Variants in PPHLN1 observed in about 807,000 individuals in gnomAD.
PPHLN1 encodes periphilin-1.
Under a neutral mutation model 51.3 loss-of-function variants are expected in PPHLN1, and 29 were observed. That is an observed-to-expected ratio of 0.57 (90% CI 0.42 to 0.77). The LOEUF is 0.77. Ranked by LOEUF, PPHLN1 falls within the 30% of genes least tolerant of loss-of-function variation. The pLI, the probability that PPHLN1 is intolerant of heterozygous loss-of-function variation, is 0.00. For synonymous variants in PPHLN1, 147 were observed against 147.8 expected, an observed-to-expected ratio of 0.99 and a Z score of 0.04; for missense variants, 436 against 438.4, an observed-to-expected ratio of 0.99 and a Z score of 0.05.
At chr12:42,364,466 CA>C (rs879808444) in intron 4 of PPHLN1, among the ~76,000 whole-genome samples, 9 of 151,602 alleles carry the variant, frequency 5.9e-5, no homozygotes, top group African/African-American at 9.7e-5. Flanking sequence ...CCCATTTCTA[CA>C]AAAAAAATTA....
Position 42,384,945 on chromosome 12 carries a change from G to A in PPHLN1, c.517G>A (p.Val173Met), listed in dbSNP as rs140585847. ...CCCTGCCCACCTTTCCATAGAGTCC[G>A]TGCGTCCTGGTGCCTCCTACAAACG... is the stretch of plus-strand genomic sequence containing the variant. ...SFHQSQHRKSVRPGASYKRQN... is the reference protein window; with the variant it reads ...SFHQSQHRKSMRPGASYKRQN... The change falls in exon 6 of 10, where the codon GTG becomes ATG. Residue 173 changes from valine to methionine, a missense_variant. Val to Met is a conservative substitution (Grantham distance 21). Transcript: ENST00000358314. The A allele has an allele frequency of 4.9e-4, 782 of 1,609,692 alleles. 2 individuals are homozygous for A. The highest frequency in any genetic ancestry group is 9.9e-4 in the Middle Eastern group (6 of 6,062).
At chr12:42,415,232 C>T (rs985332277) in intron 9 of PPHLN1, among the ~76,000 whole-genome samples, 1 of 152,140 alleles carries the variant, frequency 6.6e-6, no homozygotes, top group Non-Finnish European at 1.5e-5. Context: ...AGTGCAGTGG[C>T]GTAATCTCAG....
intron 4 of PPHLN1, among the ~76,000 whole-genome samples, chr12:42,365,065 T>C (rs570256125): frequency 1.3e-5 from 2 of 152,330 alleles, no homozygotes; most frequent in East Asian, 3.9e-4. Context: ...ACCAAACTTC[T>C]AATCTGAACT....
chr12:42,390,504 A>G (rs2077592373), intron 7 of PPHLN1, among the ~76,000 whole-genome samples: 2 of 146,944 alleles, frequency 1.4e-5, no homozygotes, highest in East Asian at 2.0e-4. Context: ...TTTGTGCTAC[A>G]TGTTAAAAGT....
intron 9 of PPHLN1, among the ~76,000 whole-genome samples, chr12:42,417,719 AAAT>A: frequency 6.6e-6 from 1 of 152,088 alleles, no homozygotes; most frequent in African/African-American, 2.4e-5. Flanking sequence ...TAGAAAAAAA[AAAT>A]GACGCAAACT....
At position 42,384,974 on chromosome 12, in the gene PPHLN1, G is replaced by A; in HGVS notation, c.546G>A (p.Gln182=). ...GTCCTGGTGCCTCCTACAAACGGCA[G>A]AATGAAGGAAATCCTGAAAGAGGTG... The part of the protein sequence containing the change: ...SVRPGASYKR[Q]NEGNPERDKE... The change falls in exon 6 of 10, where the codon CAG becomes CAA. Residue 182 remains glutamine, a synonymous_variant. Coordinates refer to ENST00000358314, the MANE Select transcript of PPHLN1 (RefSeq NM_201439.2). The A allele has an allele frequency of 6.2e-7, 1 of 1,612,088 alleles. No homozygotes were observed. The highest frequency in any genetic ancestry group is 2.2e-5 in the East Asian group (1 of 44,870).
At chr12:42,357,734 T>G (rs1293170508) in intron 4 of PPHLN1, among the ~76,000 whole-genome samples, 1 of 152,224 alleles carries the variant, frequency 6.6e-6, no homozygotes, top group African/African-American at 2.4e-5. Context: ...TTATTTATAT[T>G]ATTTTTTATT....
chr12:42,336,938 C>T (rs1846243679), intron 2 of PPHLN1, among the ~76,000 whole-genome samples: 1 of 152,096 alleles, frequency 6.6e-6, no homozygotes, highest in Admixed American at 6.6e-5. Flanking sequence ...GTGGTATCGT[C>T]TTTAGGTTTG....
chr12:42,435,529 A>T (rs151111088), intron 9 of PPHLN1, among the ~76,000 whole-genome samples: 71 of 152,310 alleles, frequency 4.7e-4, no homozygotes, highest in African/African-American at 1.7e-3. Flanking sequence ...ATTACTATAG[A>T]CCAAAATTAA....
At chr12:42,345,370 T>A (rs981698047) in intron 2 of PPHLN1, among the ~76,000 whole-genome samples, 3 of 148,612 alleles carry the variant, frequency 2.0e-5, no homozygotes, top group South Asian at 2.1e-4. Flanking sequence ...TATGTGCAAG[T>A]TTTTTTTTTA....
At chr12:42,427,745 A>G (rs2139800453) in intron 9 of PPHLN1, among the ~76,000 whole-genome samples, 1 of 152,356 alleles carries the variant, frequency 6.6e-6, no homozygotes, top group East Asian at 1.9e-4. Context: ...CAATAAAGAC[A>G]AAGATAAATA....
intron 1 of PPHLN1, among the ~76,000 whole-genome samples, chr12:42,328,672 T>A: frequency 6.6e-6 from 1 of 152,218 alleles, no homozygotes; most frequent in East Asian, 1.9e-4. Flanking sequence ...CGTTGGAAAG[T>A]CAAGTGACTT....
rs541681882 is a variant in PPHLN1, at chr12:42,339,209, T to C, written c.72+3235T>C. 1.4e-4 allele frequency among the ~76,000 whole-genome samples: 22 copies of C among 152,368 alleles called. No homozygotes were observed. In the East Asian group the frequency reaches 4.1e-3, roughly 28 times the overall value. ...AGGAGCCTAGATTGTTTTTCTCTTT[T>C]TGAGAGCACAGGACCTGACCAGACC... On this transcript the variant is annotated intron_variant, in intron 2 of 9. Transcript: ENST00000358314.
At chr12:42,412,449 G>A (rs2079959185) in intron 9 of PPHLN1, among the ~76,000 whole-genome samples, 1 of 151,564 alleles carries the variant, frequency 6.6e-6, no homozygotes, top group Admixed American at 6.6e-5. Context: ...CAGCTGAATA[G>A]TATTCCGTGG....
chr12:42,438,212 G>A (rs1394014992), intron 9 of PPHLN1, among the ~76,000 whole-genome samples: 2 of 152,268 alleles, frequency 1.3e-5, no homozygotes, highest in Middle Eastern at 3.4e-3. Flanking sequence ...GGATTGTATG[G>A]TAAGACTGGG....
At chr12:42,439,765 T>C (rs1199968980) in intron 9 of PPHLN1, among the ~76,000 whole-genome samples, 1 of 152,240 alleles carries the variant, frequency 6.6e-6, no homozygotes, top group Non-Finnish European at 1.5e-5. Flanking sequence ...CCTAAGGTGA[T>C]CTGCCTGCCT....
At chr12:42,355,123 A>G (rs2073882183) in intron 3 of PPHLN1, 38 bp from the exon 4 acceptor site, 4 of 1,593,406 alleles carry the variant, frequency 2.5e-6, no homozygotes, top group South Asian at 2.2e-5. Context: ...GTCCAAAATA[A>G]TGTAAACAAA....
In PPHLN1 at chr12:42,337,551, C is replaced by T. The variant is rs564476920; in HGVS notation, c.72+1577C>T. ...CCTCAGGTGGCCTGCCCACCTTGGT[C>T]TCCCAAAGTTCTGGGATTACAGGCA... On this transcript the variant is annotated intron_variant, in intron 2 of 9. Coordinates refer to ENST00000358314, the MANE Select transcript of PPHLN1 (RefSeq NM_201439.2). Among the ~76,000 whole-genome samples the T allele has an allele frequency of 1.0e-3, 159 of 151,748 alleles. 1 individual carries two copies. Among genetic ancestry groups the T allele is most frequent in the Admixed American group, 3.4e-3 (52 of 15,242 alleles).
intron 4 of PPHLN1, chr12:42,359,652 T>A (rs1222714472): frequency 1.3e-5 from 2 of 152,178 alleles, no homozygotes; most frequent in Non-Finnish European, 2.9e-5. Context: ...AAAATAGCTG[T>A]TGTTGTAGAA....
Sources: allele counts gnomAD v4.1 joint callset (sites outside exome capture counted in the v4.1 genomes callset), GRCh38; gene constraint gnomAD v4.1.1; transcripts MANE v1.5; gene names NCBI Gene and HGNC (gene_info 2026-07-23, HGNC 2026-07-21).